The following CCDC134 variants were observed in gnomAD, a reference collection of about 807,000 sequenced individuals.
CCDC134 encodes the protein coiled-coil domain-containing protein 134.
In CCDC134, 27 loss-of-function variants were observed where a neutral mutation model predicts 25.6. The ratio of observed to expected loss-of-function variants is 1.05; its 90% CI spans 0.78 to 1.45. CCDC134 has a LOEUF of 1.45. CCDC134 is among the 40% of genes most tolerant of loss of function. The pLI is 0.00. For synonymous variants in CCDC134, 110 were observed against 115.0 expected, an observed-to-expected ratio of 0.96 and a Z score of 0.28; for missense variants, 261 against 286.7, an observed-to-expected ratio of 0.91 and a Z score of 0.65.
In CCDC134 at chr22:41,829,325, ATTC is replaced by A. The variant is rs1407564073; in HGVS notation, c.*3508_*3510del. On this transcript the variant is annotated 3_prime_UTR_variant, in exon 7 of 7. Transcript: ENST00000255784. ...AGTCTGAGCTGACTCTCTCTTCCGGATTCTTCTTTCCTCACCTGCCCCCGTTTG... is the reference window on the plus strand; with the variant it reads ...AGTCTGAGCTGACTCTCTCTTCCGGATTCTTTCCTCACCTGCCCCCGTTTG... 6.6e-6 allele frequency among the ~76,000 whole-genome samples: 1 copy of A among 152,062 alleles called. No individual in the cohort carries two copies. Among genetic ancestry groups the A allele is most frequent in the African/African-American group, 2.4e-5 (1 of 41,382 alleles).
rs1334613005 is a variant in CCDC134, at chr22:41,828,619, C to A, written c.*2796C>A. Among the ~76,000 whole-genome samples the A allele has an allele frequency of 6.6e-6, 1 of 152,172 alleles. No homozygotes were observed. Among genetic ancestry groups the A allele is most frequent in the Non-Finnish European group, 1.5e-5 (1 of 68,036 alleles). ...TACTGCCACTATTGATTGTTATAGT[C>A]ACTTGCTCCAGGAAGTCCACTTGCT... is the stretch of plus-strand genomic sequence containing the variant. On this transcript the variant is annotated 3_prime_UTR_variant, in exon 7 of 7. Coordinates refer to ENST00000255784, the MANE Select transcript of CCDC134 (RefSeq NM_024821.5).
At position 41,828,990 on chromosome 22, in the gene CCDC134, G is replaced by A. The variant is rs771788120; in HGVS notation, c.*3167G>A. On this transcript the variant is annotated 3_prime_UTR_variant, in exon 7 of 7. Coordinates refer to ENST00000255784, the MANE Select transcript of CCDC134 (RefSeq NM_024821.5). The stretch of plus-strand genomic sequence containing the variant: ...GTTTTCCAGCAGCGGCACTATTAAC[G>A]TTTGGGGCTAGGTAATCGTTGGGTG... Among the ~76,000 whole-genome samples the A allele has an allele frequency of 2.0e-5, 3 of 152,156 alleles. No individual in the cohort carries two copies. The highest frequency in any genetic ancestry group is 2.9e-5 in the Non-Finnish European group (2 of 68,042).
Position 41,815,452 on chromosome 22 carries a change from G to A in CCDC134, c.564+1630G>A, listed in dbSNP as rs199518854. On this transcript the variant is annotated intron_variant, in intron 6 of 6. Transcript: ENST00000255784. ...GATCTCCTGACCGCGTGATCCACCC[G>A]CCTCGGCCTCCCAAAGTGCTTGGAT... 1.6e-4 allele frequency among the ~76,000 whole-genome samples: 25 copies of A among 151,910 alleles called. No individual in the cohort carries two copies. The East Asian group carries it at 3.1e-3, about 19-fold the overall frequency.
chr22:41,802,542 G>A (rs184279246), intron 1 of CCDC134, among the ~76,000 whole-genome samples: 1 of 152,152 alleles, frequency 6.6e-6, no homozygotes, highest in Non-Finnish European at 1.5e-5. Flanking sequence ...CGCCAAGGCG[G>A]GCGGATCACC....
chr22:41,817,589 G>A (rs1340101515), intron 6 of CCDC134, among the ~76,000 whole-genome samples: 4 of 151,886 alleles, frequency 2.6e-5, no homozygotes, highest in Middle Eastern at 3.2e-3. Flanking sequence ...AAAATTAGCC[G>A]GGCGAGGTGA....
rs867105839 is a variant in CCDC134, at chr22:41,817,592, C to T, written c.564+3770C>T. 4.0e-5 allele frequency among the ~76,000 whole-genome samples: 6 copies of T among 151,688 alleles called. No individual in the cohort carries two copies. In the South Asian group the frequency reaches 1.3e-3, roughly 32 times the overall value. ...ACTAAAAATACAAAAATTAGCCGGG[C>T]GAGGTGACGCATGCCTGTAGTCCCA... On this transcript the variant is annotated intron_variant, in intron 6 of 6. Transcript: ENST00000255784.
In CCDC134 at chr22:41,831,477, G is replaced by C. The variant is rs548116095; in HGVS notation, c.*5654G>C. 3.7e-4 allele frequency: 57 copies of C among 152,340 alleles called. No homozygotes were observed. The highest frequency in any genetic ancestry group is 1.3e-3 in the African/African-American group (56 of 41,558). The allele number at this position is 152,340 out of a possible 1,614,324, so 9.4% of individuals were successfully genotyped here. ...GCTGGAATTACCGGTGTGAGCCACC[G>C]CGCCTGGCCAGATCCTTATTTTTTC... On this transcript the variant is annotated 3_prime_UTR_variant, in exon 7 of 7. Transcript: ENST00000255784.
Position 41,813,361 on chromosome 22 carries a change from G to A in CCDC134, c.408G>A (p.Trp136Ter). Reference sequence around the variant, plus strand: ...ATTACTTTGACCACAACTCCAACTGGAACCTCCTCATCCGCTGGGGTATCA... The same window carrying A: ...ATTACTTTGACCACAACTCCAACTGAAACCTCCTCATCCGCTGGGGTATCA... The part of the protein sequence containing the change: ...VHYYFDHNSN[W>*]NLLIRWGISF... The change falls in exon 5 of 7, where the codon TGG becomes TGA. Residue 136 changes from tryptophan (W) to a stop codon, truncating the protein, a stop_gained. Transcript: ENST00000255784. LOFTEE classifies it high-confidence loss of function. 3.1e-6 allele frequency: 5 copies of A among 1,614,144 alleles called. No individual in the cohort carries two copies. The highest frequency in any genetic ancestry group is 4.2e-6 in the Non-Finnish European group (5 of 1,180,030).
intron 4 of CCDC134, 91 bp downstream of exon 4, chr22:41,810,382 C>T (rs2076589216): frequency 6.3e-6 from 8 of 1,260,792 alleles, no homozygotes; most frequent in Non-Finnish European, 8.9e-6. Flanking sequence ...CTTTTTTTCT[C>T]CCCGGAAGTG....
In CCDC134 at chr22:41,811,953, G is replaced by C. The variant is rs188256778; in HGVS notation, c.311-1311G>C. Reference sequence around the variant, plus strand: ...TTCAAGATGGTGCCACGCTTGTCTTGCAGCAGGCTGTTTTCCTACAGCACA... The same window carrying C: ...TTCAAGATGGTGCCACGCTTGTCTTCCAGCAGGCTGTTTTCCTACAGCACA... On this transcript the variant is annotated intron_variant, in intron 4 of 6. Transcript: ENST00000255784. Among the ~76,000 whole-genome samples, 50 of 152,290 alleles carry C rather than the reference G, an allele frequency of 3.3e-4. No homozygotes were observed. The East Asian group carries it at 6.2e-3, about 19-fold the overall frequency.
chr22:41,807,419 G>T, intron 1 of CCDC134, among the ~76,000 whole-genome samples: 1 of 152,048 alleles, frequency 6.6e-6, no homozygotes, highest in South Asian at 2.1e-4. Context: ...AAAAATAGCC[G>T]TGCATGGCGG....
intron 6 of CCDC134, among the ~76,000 whole-genome samples, chr22:41,824,307 A>G (rs1325602929): frequency 6.6e-6 from 1 of 152,176 alleles, no homozygotes; most frequent in East Asian, 1.9e-4. Context: ...AAGGCCTGGA[A>G]GTGAGAGGGT....
chr22:41,808,354 A>T (rs2076578421), intron 1 of CCDC134, among the ~76,000 whole-genome samples: 1 of 151,392 alleles, frequency 6.6e-6, no homozygotes, highest in South Asian at 2.1e-4. Flanking sequence ...AAGGAGGAAA[A>T]CTCCAGAAGT....
At position 41,810,215 on chromosome 22, in the gene CCDC134, G is replaced by C. The variant is rs1463466046; in HGVS notation, c.234G>C (p.Glu78Asp). Reference protein sequence around the residue: ...VMLKGLFKVLEDSRTVLTAAD... With the variant: ...VMLKGLFKVLDDSRTVLTAAD... ...TGGCGGGATTCCCTCAGGTGCTGGA[G>C]GACTCCCGGACAGTGCTCACCGCTG... The change falls in exon 4 of 7, where the codon GAG becomes GAC. Residue 78 changes from glutamate (E) to aspartate (D), a missense_variant. Glu to Asp is a conservative substitution (Grantham distance 45, BLOSUM62 2). Transcript: ENST00000255784. The C allele has an allele frequency of 6.2e-7, 1 of 1,613,870 alleles. No individual in the cohort carries two copies. The highest frequency in any genetic ancestry group is 2.2e-5 in the East Asian group (1 of 44,898).
In CCDC134 at chr22:41,830,071, G is replaced by C. The variant is rs145784665; in HGVS notation, c.*4248G>C. ...CAGGCGTAAGCAACCGTGCCCGGCTGTCCATCTCTTTTCAGATGAAGAGCT... is the reference window on the plus strand; with the variant it reads ...CAGGCGTAAGCAACCGTGCCCGGCTCTCCATCTCTTTTCAGATGAAGAGCT... On this transcript the variant is annotated 3_prime_UTR_variant, in exon 7 of 7. Coordinates refer to ENST00000255784, the MANE Select transcript of CCDC134 (RefSeq NM_024821.5). Among the ~76,000 whole-genome samples, 22 of 152,260 alleles carry C rather than the reference G, an allele frequency of 1.4e-4. No individual in the cohort carries two copies. In the East Asian group the frequency reaches 3.5e-3, roughly 24 times the overall value.
intron 6 of CCDC134, among the ~76,000 whole-genome samples, chr22:41,815,236 C>T (rs1293643354): frequency 2.3e-5 from 3 of 133,264 alleles, no homozygotes; most frequent in African/African-American, 9.1e-5. Flanking sequence ...GATGTAGTCT[C>T]GTTCTGTCGC....
chr22:41,825,393 T>C lies in CCDC134; in HGVS notation c.565-305T>C, dbSNP rs1274681295. 6.6e-6 allele frequency among the ~76,000 whole-genome samples: 1 copy of C among 152,112 alleles called. No individual in the cohort carries two copies. Among genetic ancestry groups the C allele is most frequent in the Non-Finnish European group, 1.5e-5 (1 of 68,018 alleles). ...CCGGGTCTGTGGTGGTCTCAGCCAC[T>C]CTACTCCCTCACCCTGGAGGAGTCT... is the stretch of plus-strand genomic sequence containing the variant. On this transcript the variant is annotated intron_variant, in intron 6 of 6. Coordinates refer to ENST00000255784, the MANE Select transcript of CCDC134 (RefSeq NM_024821.5). The surrounding 1 kb of genome is among the most constrained non-coding windows in gnomAD (Gnocchi z 4.4).
In CCDC134 at chr22:41,829,092, G is replaced by A. The variant is rs1269681232; in HGVS notation, c.*3269G>A. ...CCCGGCCTCTCCCTGCCAGGTGCCT[G>A]TAGCAGTCCCCCAGTTACGACAACC... On this transcript the variant is annotated 3_prime_UTR_variant, in exon 7 of 7. Coordinates refer to ENST00000255784, the MANE Select transcript of CCDC134 (RefSeq NM_024821.5). Among the ~76,000 whole-genome samples the A allele has an allele frequency of 3.3e-5, 5 of 152,184 alleles. No homozygotes were observed. Among genetic ancestry groups the A allele is most frequent in the Non-Finnish European group, 7.3e-5 (5 of 68,038 alleles).
intron 3 of CCDC134, 28 bp from the exon 4 acceptor site, chr22:41,810,177 AGC>A: frequency 1.9e-6 from 3 of 1,611,470 alleles, no homozygotes; most frequent in Non-Finnish European, 2.5e-6. Context: ...GGCACTGCGA[AGC>A]CACTCAGCCC....
Sources: gnomAD v4.1 joint callset for allele counts (sites outside exome capture counted in the v4.1 genomes callset) on GRCh38, gnomAD v4.1.1 for gene constraint, Gnocchi (gnomAD v3.1) non-coding constraint, MANE v1.5 for transcripts, NCBI Gene and HGNC (gene_info 2026-07-23, HGNC 2026-07-21) for gene names.